The following ALKBH1 variants were observed in gnomAD, a reference collection of about 807,000 sequenced individuals.
ALKBH1 encodes the protein alkB homolog 1, histone H2A dioxygenase, also known as nucleic acid dioxygenase ALKBH1.
ALKBH1 carries 31 observed loss-of-function variants against 36.6 expected under a neutral mutation model. The ratio of observed to expected loss-of-function variants is 0.85; its 90% CI spans 0.64 to 1.14. The LOEUF (loss-of-function observed/expected upper bound fraction) is 1.14. Among genes scored for constraint, ALKBH1 ranks in the 50% most tolerant of loss-of-function variants. The pLI is 0.00. For missense variants in ALKBH1, 490 were observed against 497.3 expected, an observed-to-expected ratio of 0.99 and a Z score of 0.14; for synonymous variants, 183 against 186.6, an observed-to-expected ratio of 0.98 and a Z score of 0.16.
chr14:77,681,716 A>G (rs1014231966), intron 3 of ALKBH1, among the ~76,000 whole-genome samples: 2 of 152,206 alleles, frequency 1.3e-5, no homozygotes, highest in Non-Finnish European at 2.9e-5. Context: ...TACTGCACCT[A>G]AACTGTGCAA....
At chr14:77,675,275 A>AG in intron 5 of ALKBH1, among the ~76,000 whole-genome samples, 1 of 152,090 alleles carries the variant, frequency 6.6e-6, no homozygotes, top group East Asian at 1.9e-4. Flanking sequence ...TCTACTAAAA[A>AG]AAAAAAAAAT....
At chr14:77,707,743 G>A (rs2080403994) in intron 1 of ALKBH1, 79 bp downstream of exon 1, 1 of 1,490,066 alleles carries the variant, frequency 6.7e-7, no homozygotes, top group Non-Finnish European at 9.0e-7. Context: ...GAGGTGAAAA[G>A]AGGCGAAGAA....
In ALKBH1 at chr14:77,679,924, G is replaced by A; in HGVS notation, c.502C>T (p.Leu168=). 6.2e-7 allele frequency: 1 copy of A among 1,614,150 alleles called. No individual in the cohort carries two copies. The highest frequency in any genetic ancestry group is 1.1e-5 in the South Asian group (1 of 91,086). ...TGGTAGCCTACGGTCACCCAACGCAGTTTCTCCAGTAAACTTCGGGGTCTC... is the reference window on the plus strand; with the variant it reads ...TGGTAGCCTACGGTCACCCAACGCAATTTCTCCAGTAAACTTCGGGGTCTC... ...KRRPRSLLEK[L]RWVTVGYHYN... The change falls in exon 4 of 6, where the codon CTG becomes TTG. Residue 168 remains leucine, a synonymous_variant. Coordinates refer to ENST00000216489, the MANE Select transcript of ALKBH1 (RefSeq NM_006020.3).
Position 77,707,990 on chromosome 14 carries a change from T to A in ALKBH1, c.15A>T (p.Ala5=). Residue 5 remains alanine (A), a synonymous_variant, in exon 1 of 6, where the codon GCA becomes GCT. Coordinates refer to ENST00000216489, the MANE Select transcript of ALKBH1 (RefSeq NM_006020.3). MGKM[A]AAVGSVATLA... ...GAGTCGCCACAGAGCCCACGGCCGC[T>A]GCCATCTTCCCCATCTCGCGGCCTA... 1 of 1,610,280 alleles carries A rather than the reference T, an allele frequency of 6.2e-7. No homozygotes were observed. The highest frequency in any genetic ancestry group is 8.5e-7 in the Non-Finnish European group (1 of 1,177,726).
chr14:77,695,234 A>T (rs2080320836), intron 2 of ALKBH1, among the ~76,000 whole-genome samples: 1 of 152,210 alleles, frequency 6.6e-6, no homozygotes, highest in Non-Finnish European at 1.5e-5. Flanking sequence ...TTACCTCCCT[A>T]TTTCATTTAT....
chr14:77,699,020 G>A lies in ALKBH1; in HGVS notation c.293-4120C>T, dbSNP rs186179555. Among the ~76,000 whole-genome samples, 19 of 152,130 alleles carry A rather than the reference G, an allele frequency of 1.2e-4. 1 individual carries two copies. Among genetic ancestry groups the A allele is most frequent in the African/African-American group, 3.4e-4 (14 of 41,420 alleles). On this transcript the variant is annotated intron_variant, in intron 2 of 5. Coordinates refer to ENST00000216489, the MANE Select transcript of ALKBH1 (RefSeq NM_006020.3). ...ACTCCTGGCCTCAACTGATCTGCCC[G>A]CCTCGGCCTCCCAAAGTGCTGGGAT... is the stretch of plus-strand genomic sequence containing the variant.
chr14:77,696,606 T>C (rs904866703), intron 2 of ALKBH1: 1 of 152,466 alleles, frequency 6.6e-6, no homozygotes, highest in Non-Finnish European at 1.5e-5. Flanking sequence ...GACTTCAAAT[T>C]GGACATCACA....
intron 1 of ALKBH1, among the ~76,000 whole-genome samples, 153 bp downstream of exon 1, chr14:77,707,669 G>A (rs746571870): frequency 1.6e-4 from 24 of 152,214 alleles, no homozygotes; most frequent in Non-Finnish European, 2.6e-4. Flanking sequence ...AAGTGTGACG[G>A]TTAGTGGGGA....
At chr14:77,704,296 A>G (rs922303184) in intron 2 of ALKBH1, 73 bp downstream of exon 2, 21 of 1,098,024 alleles carry the variant, frequency 1.9e-5, no homozygotes, top group Non-Finnish European at 2.8e-5. Context: ...GCTCACACAC[A>G]GTACCTTCTT....
intron 3 of ALKBH1, among the ~76,000 whole-genome samples, chr14:77,690,227 C>T (rs887179762): frequency 6.6e-6 from 1 of 151,740 alleles, no homozygotes; most frequent in South Asian, 2.1e-4. Context: ...CACTGGAGGT[C>T]AATGTGGCAG....
intron 2 of ALKBH1, among the ~76,000 whole-genome samples, chr14:77,701,507 T>C (rs1479133811): frequency 6.6e-6 from 1 of 152,140 alleles, no homozygotes; most frequent in South Asian, 2.1e-4. Context: ...TGTTTAATGC[T>C]GTCAAGTTCC....
intron 2 of ALKBH1, among the ~76,000 whole-genome samples, chr14:77,695,190 CA>C (rs1465888780): frequency 6.6e-6 from 1 of 152,206 alleles, no homozygotes; most frequent in Non-Finnish European, 1.5e-5. Flanking sequence ...TAATTTTTAT[CA>C]GGTCTTGACA....
chr14:77,684,381 G>A (rs555044708), intron 3 of ALKBH1, among the ~76,000 whole-genome samples: 36 of 149,122 alleles, frequency 2.4e-4, no homozygotes, highest in Admixed American at 6.0e-4. Flanking sequence ...TTTTTTTTTA[G>A]ACGGAGTTTT....
chr14:77,706,368 C>T (rs1479910237), intron 1 of ALKBH1, among the ~76,000 whole-genome samples: 3 of 152,156 alleles, frequency 2.0e-5, no homozygotes, highest in Non-Finnish European at 4.4e-5. Flanking sequence ...TAATTCAACA[C>T]ACTCTCAGAG....
chr14:77,674,048 C>G lies in ALKBH1; in HGVS notation c.934G>C (p.Val312Leu). ...PHCLEAPLPA[V>L]LPRDSMVEPC... is the part of the protein sequence containing the mutation. ...TCTACCATTGAATCTCTCGGGAGGA[C>G]AGCAGGGAGAGGTGCCTCTAGGCAG... is the stretch of plus-strand genomic sequence containing the variant. The change falls in exon 6 of 6, where the codon GTC becomes CTC. Residue 312 changes from valine (V) to leucine (L), a missense_variant. Transcript: ENST00000216489. 1 of 1,614,192 alleles carries G rather than the reference C, an allele frequency of 6.2e-7. No homozygotes were observed. The highest frequency in any genetic ancestry group is 1.7e-5 in the Admixed American group (1 of 60,012).
intron 2 of ALKBH1, among the ~76,000 whole-genome samples, chr14:77,698,785 C>CA (rs1167306835): frequency 6.6e-6 from 1 of 152,132 alleles, no homozygotes; most frequent in Non-Finnish European, 1.5e-5. Flanking sequence ...TTTTTTGAGA[C>CA]AGAGTCTTGC....
chr14:77,687,623 A>G (rs1292405576), intron 3 of ALKBH1, among the ~76,000 whole-genome samples: 2 of 152,210 alleles, frequency 1.3e-5, no homozygotes, highest in African/African-American at 4.8e-5. Context: ...CTTAGTTTTC[A>G]TTACACCAAT....
intron 2 of ALKBH1, among the ~76,000 whole-genome samples, chr14:77,700,034 G>A (rs955749494): frequency 2.0e-5 from 3 of 151,906 alleles, no homozygotes; most frequent in Admixed American, 6.6e-5. Context: ...CAGCCTGGGC[G>A]ACAAGCAAGA....
In ALKBH1 at chr14:77,679,801, G is replaced by A. The variant is rs995481571; in HGVS notation, c.546+79C>T. 9.5e-6 allele frequency: 10 copies of A among 1,053,722 alleles called. No individual in the cohort carries two copies. In the African/African-American group the frequency reaches 1.1e-4, roughly 12 times the overall value. The allele number at this position is 1,053,722 out of a possible 1,614,324, so 65.3% of individuals were successfully genotyped here. On this transcript the variant is annotated intron_variant, in intron 4 of 5. Coordinates refer to ENST00000216489, the MANE Select transcript of ALKBH1 (RefSeq NM_006020.3). Reference sequence around the variant, plus strand: ...AATGTATAATCTTGATATCTTAAGCGTGGTTAGGAAGAAATACAACTATGT... The same window carrying A: ...AATGTATAATCTTGATATCTTAAGCATGGTTAGGAAGAAATACAACTATGT...
Sources: gnomAD v4.1 joint callset for allele counts (sites outside exome capture counted in the v4.1 genomes callset) on GRCh38, gnomAD v4.1.1 for gene constraint, MANE v1.5 for transcripts, NCBI Gene and HGNC (gene_info 2026-07-23, HGNC 2026-07-21) for gene names.